The following CHMP4C variants were observed in gnomAD, a reference collection of about 807,000 sequenced individuals.
CHMP4C encodes SNF7 homolog associated with Alix 3.
In CHMP4C, 28 loss-of-function variants were observed where a neutral mutation model predicts 29.0. The ratio of observed to expected loss-of-function variants is 0.97; its 90% confidence interval spans 0.72 to 1.32. CHMP4C has a LOEUF of 1.32. Ranked by LOEUF, CHMP4C falls within the 40% of genes most tolerant of loss-of-function variation. The pLI is 0.00. For missense variants in CHMP4C, 291 were observed against 281.0 expected, an observed-to-expected ratio of 1.04 and a Z score of -0.25; for synonymous variants, 106 against 102.4, an observed-to-expected ratio of 1.04 and a Z score of -0.21.
At chr8:81,745,357 C>G (rs1316026023) in intron 1 of CHMP4C, among the ~76,000 whole-genome samples, 1 of 152,194 alleles carries the variant, frequency 6.6e-6, no homozygotes, top group Non-Finnish European at 1.5e-5. Context: ...CTTTCAAAAA[C>G]AGGTTTGTCT....
chr8:81,757,511 A>G (rs186877895), intron 3 of CHMP4C, among the ~76,000 whole-genome samples: 3 of 152,316 alleles, frequency 2.0e-5, no homozygotes, highest in African/African-American at 7.2e-5. Flanking sequence ...TAAGGTCTCA[A>G]ACTAGCCTTG....
At chr8:81,745,601 G>T (rs1006826008) in intron 1 of CHMP4C, among the ~76,000 whole-genome samples, 7 of 152,168 alleles carry the variant, frequency 4.6e-5, no homozygotes, top group African/African-American at 1.7e-4. Flanking sequence ...AGTTGCATAG[G>T]AATAGTTAAA....
chr8:81,750,236 T>C (rs1207424369), intron 1 of CHMP4C, among the ~76,000 whole-genome samples: 1 of 152,004 alleles, frequency 6.6e-6, no homozygotes, highest in Non-Finnish European at 1.5e-5. Context: ...AAAAGTAGAA[T>C]GAATATAGCT....
chr8:81,746,365 G>C (rs1808823103), intron 1 of CHMP4C, among the ~76,000 whole-genome samples: 1 of 152,200 alleles, frequency 6.6e-6, no homozygotes, highest in African/African-American at 2.4e-5. Flanking sequence ...AAGGCAGCCT[G>C]GCACTGAATC....
intron 1 of CHMP4C, among the ~76,000 whole-genome samples, chr8:81,738,343 CTCT>C (rs1257794351): frequency 1.3e-5 from 2 of 152,176 alleles, no homozygotes; most frequent in African/African-American, 4.8e-5. Context: ...GCTGTTCTAC[CTCT>C]TCATCAGGTG....
rs917342964 is a variant in CHMP4C, at chr8:81,759,355, A to T, written c.*811A>T. 22 of 152,174 alleles carry T rather than the reference A, an allele frequency of 1.4e-4. No homozygotes were observed. Among genetic ancestry groups the T allele is most frequent in the African/African-American group, 5.3e-4 (22 of 41,392 alleles). The allele number at this position is 152,174 out of a possible 1,614,324, so 9.4% of individuals were successfully genotyped here. A position where few individuals can be genotyped will look rare whatever the true frequency, so the allele number is the denominator to read the frequency against. On this transcript the variant is annotated 3_prime_UTR_variant, in exon 5 of 5. Transcript: ENST00000297265. ...TAGCCACTTAGGGAACTGCGTGAAC[A>T]CTCCCAGGCCATTATGATGCTGTTA... is the stretch of plus-strand genomic sequence containing the variant.
chr8:81,742,129 T>C (rs1808769179), intron 1 of CHMP4C, among the ~76,000 whole-genome samples: 1 of 152,196 alleles, frequency 6.6e-6, no homozygotes, highest in Admixed American at 6.5e-5. Flanking sequence ...TTTTAACCAC[T>C]GCTAAGCCTT....
rs1808998779 is a variant in CHMP4C, at chr8:81,758,400, T to C, written c.638-80T>C. The C allele has an allele frequency of 2.6e-6, 4 of 1,545,372 alleles. No individual in the cohort carries two copies. The Middle Eastern group carries it at 5.2e-4, about 200-fold the overall frequency. On this transcript the variant is annotated intron_variant, in intron 4 of 4. Transcript: ENST00000297265. ...TTTGATTTCAAACTGAACACATTTTTATATGTAATTCATACCTGTTTTCTA... is the reference window on the plus strand; with the variant it reads ...TTTGATTTCAAACTGAACACATTTTCATATGTAATTCATACCTGTTTTCTA...
intron 2 of CHMP4C, 55 bp downstream of exon 2, chr8:81,753,296 C>T (rs960797908): frequency 1.5e-6 from 2 of 1,371,698 alleles, no homozygotes; most frequent in Non-Finnish European, 9.7e-7. Context: ...TTGGGAAGAA[C>T]CTTTGGAACC....
chr8:81,755,649 G>C (rs1366961784), intron 3 of CHMP4C, among the ~76,000 whole-genome samples, 165 bp downstream of exon 3: 1 of 152,176 alleles, frequency 6.6e-6, no homozygotes, highest in Non-Finnish European at 1.5e-5. Flanking sequence ...CTGATTTAAA[G>C]GAAAGATGAA....
intron 1 of CHMP4C, among the ~76,000 whole-genome samples, chr8:81,751,183 A>G (rs994100994): frequency 6.6e-6 from 1 of 152,146 alleles, no homozygotes; most frequent in Non-Finnish European, 1.5e-5. Context: ...AAAATATAAT[A>G]CTGTAAAGTT....
intron 1 of CHMP4C, among the ~76,000 whole-genome samples, chr8:81,734,381 A>G (rs55882328): frequency 0.018 from 2,754 of 152,218 alleles, 77 homozygotes; most frequent in African/African-American, 0.061. Flanking sequence ...CCCAGGCTGG[A>G]GTGCAATGGC....
In CHMP4C at chr8:81,751,633, A is replaced by G. The variant is rs1177649194; in HGVS notation, c.191-1431A>G. 2.0e-5 allele frequency among the ~76,000 whole-genome samples: 3 copies of G among 152,140 alleles called. No homozygotes were observed. The East Asian group carries it at 5.8e-4, about 29-fold the overall frequency. ...AACAAAGACAATTTAATCGATCTAC[A>G]TAAAGACAAGAAAGCAGAAAGAGAA... On this transcript the variant is annotated intron_variant, in intron 1 of 4. Transcript: ENST00000297265.
In CHMP4C at chr8:81,732,916, T is replaced by G. The variant is rs1808637699; in HGVS notation, c.190+100T>G. On this transcript the variant is annotated intron_variant, in intron 1 of 4. Transcript: ENST00000297265. ...CACTGAGGTCCCCAGGTGGCCAGGT[T>G]TGCTCCTGCAGTCTTTTCTAGGAAC... 19 of 1,134,848 alleles carry G rather than the reference T, an allele frequency of 1.7e-5. No homozygotes were observed. The South Asian group carries it at 2.5e-4, about 15-fold the overall frequency. The allele number at this position is 1,134,848 out of a possible 1,614,324, so 70.3% of individuals were successfully genotyped here. A position where few individuals can be genotyped will look rare whatever the true frequency, so the allele number is the denominator to read the frequency against.
rs149477854 is a variant in CHMP4C at position 81,734,153 on chromosome 8, C to A, written c.190+1337C>A. Among the ~76,000 whole-genome samples the A allele has an allele frequency of 5.3e-5, 8 of 152,268 alleles. No individual in the cohort carries two copies. The East Asian group carries it at 9.6e-4, about 18-fold the overall frequency. ...TGCAATGGCAATTTCTAAAGAAAGA[C>A]CATGTCATTATGGCTTGCTAAAAAT... is the stretch of plus-strand genomic sequence containing the variant. On this transcript the variant is annotated intron_variant, in intron 1 of 4. Transcript: ENST00000297265.
Position 81,758,609 on chromosome 8 carries a change from C to A in CHMP4C, c.*65C>A. On this transcript the variant is annotated 3_prime_UTR_variant, in exon 5 of 5. Coordinates refer to ENST00000297265, the MANE Select transcript of CHMP4C (RefSeq NM_152284.4). ...GATAAAATATAAAAAATGTTTTTAC[C>A]AAGTTCAGAAGTTAACAAAGACTCT... 1 of 1,088,758 alleles carries A rather than the reference C, an allele frequency of 9.2e-7. No individual in the cohort carries two copies. Among genetic ancestry groups the A allele is most frequent in the Non-Finnish European group, 1.4e-6 (1 of 716,188 alleles). The allele number at this position is 1,088,758 out of a possible 1,614,324, so 67.4% of individuals were successfully genotyped here. A position where few individuals can be genotyped will look rare whatever the true frequency, so the allele number is the denominator to read the frequency against.
chr8:81,740,248 C>T (rs1318641726), intron 1 of CHMP4C, among the ~76,000 whole-genome samples: 1 of 152,158 alleles, frequency 6.6e-6, no homozygotes, highest in East Asian at 1.9e-4. Context: ...CACCAGGGAC[C>T]AGTTTCATGG....
chr8:81,747,605 C>T (rs1366443701), intron 1 of CHMP4C, among the ~76,000 whole-genome samples: 1 of 151,904 alleles, frequency 6.6e-6, no homozygotes, highest in African/African-American at 2.4e-5. Context: ...TTTGGGGGAC[C>T]TGCCCCAAAA....
intron 3 of CHMP4C, among the ~76,000 whole-genome samples, 181 bp from the exon 4 acceptor site, chr8:81,757,961 C>G (rs891932434): frequency 7.2e-5 from 11 of 152,154 alleles, no homozygotes; most frequent in Non-Finnish European, 2.9e-5. Context: ...TTGCACAACC[C>G]AGAATATTCA....
Sources: gnomAD v4.1 joint callset for allele counts (sites outside exome capture counted in the v4.1 genomes callset) on GRCh38, gnomAD v4.1.1 for gene constraint, MANE v1.5 for transcripts, NCBI Gene and HGNC (gene_info 2026-07-23, HGNC 2026-07-21) for gene names.